Variants in HDDC2 observed in about 807,000 individuals in gnomAD.
The protein encoded by HDDC2 is HD domain containing 2.
HDDC2 carries 25 observed loss-of-function variants against 25.5 expected under a neutral mutation model. That is an observed-to-expected ratio of 0.98 (90% confidence interval 0.72 to 1.37). The LOEUF (loss-of-function observed/expected upper bound fraction) is 1.37, where lower values mean the gene tolerates loss of function less well. Among genes scored for constraint, HDDC2 ranks in the 40% most tolerant of loss-of-function variants. The probability of loss-of-function intolerance (pLI) is 0.00; values close to 1 mark genes in which losing one functional copy is unlikely to be tolerated. For synonymous variants in HDDC2, 106 were observed against 89.7 expected, an observed-to-expected ratio of 1.18 and a Z score of -1.03; for missense variants, 264 against 253.1, an observed-to-expected ratio of 1.04 and a Z score of -0.29.
At chr6:125,277,523 C>A in intron 4 of HDDC2, 1 of 323,260 alleles carries the variant, frequency 3.1e-6, no homozygotes, top group Non-Finnish European at 5.6e-6. Flanking sequence ...TCTTTTCTTC[C>A]TGTTTAATAC....
intron 3 of HDDC2, among the ~76,000 whole-genome samples, chr6:125,293,645 A>G (rs1002569548): frequency 6.6e-6 from 1 of 152,174 alleles, no homozygotes; most frequent in East Asian, 1.9e-4. Flanking sequence ...TTATTTTCTT[A>G]TATCAAGCTG....
intron 4 of HDDC2, among the ~76,000 whole-genome samples, chr6:125,281,393 G>C (rs9482635): frequency 0.2 from 29,987 of 152,052 alleles, 3,345 homozygotes; most frequent in African/African-American, 0.31. Flanking sequence ...CAGAAGGTGG[G>C]TAACAACAAA....
At chr6:125,281,729 G>C (rs139744072) in intron 4 of HDDC2, among the ~76,000 whole-genome samples, 1 of 152,194 alleles carries the variant, frequency 6.6e-6, no homozygotes, top group East Asian at 1.9e-4. Flanking sequence ...TTTGACTGGC[G>C]TACCAAAAAG....
At chr6:125,277,504 C>T (rs1162463963) in intron 4 of HDDC2, 1 of 369,652 alleles carries the variant, frequency 2.7e-6, no homozygotes, top group African/African-American at 2.1e-5. Flanking sequence ...ATCTTAGGTA[C>T]TTTCAAGATC....
intron 4 of HDDC2, among the ~76,000 whole-genome samples, chr6:125,281,729 G>A (rs139744072): frequency 2.3e-3 from 353 of 152,194 alleles, no homozygotes; most frequent in South Asian, 5.4e-3. Context: ...TTTGACTGGC[G>A]TACCAAAAAG....
At chr6:125,276,291 G>T in intron 5 of HDDC2, 48 bp from the exon 6 acceptor site, 1 of 1,379,724 alleles carries the variant, frequency 7.2e-7, no homozygotes, top group Non-Finnish European at 1.0e-6. Context: ...ATTGACAAGA[G>T]AGTATATTCA....
intron 4 of HDDC2, among the ~76,000 whole-genome samples, chr6:125,288,402 A>T (rs954769468): frequency 1.3e-5 from 2 of 152,150 alleles, no homozygotes; most frequent in African/African-American, 4.8e-5. Flanking sequence ...GAGTCTCTGA[A>T]TCAGTGTTTC....
At chr6:125,294,271 T>C (rs779885130) in intron 3 of HDDC2, among the ~76,000 whole-genome samples, 5 of 152,224 alleles carry the variant, frequency 3.3e-5, no homozygotes, top group Non-Finnish European at 7.3e-5. Flanking sequence ...CATTTGTGTG[T>C]ATATTTATTT....
intron 4 of HDDC2, chr6:125,279,182 A>T (rs917557444): frequency 2.0e-5 from 3 of 152,214 alleles, no homozygotes; most frequent in African/African-American, 7.2e-5. Flanking sequence ...CATTTTAAGA[A>T]CAGTAGTTGA....
At chr6:125,296,319 A>G (rs1798705453) in intron 3 of HDDC2, among the ~76,000 whole-genome samples, 1 of 152,106 alleles carries the variant, frequency 6.6e-6, no homozygotes, top group South Asian at 2.1e-4. Context: ...TCCTGGAACC[A>G]ATACCCCATA....
intron 4 of HDDC2, chr6:125,277,951 C>T (rs1798397669): frequency 6.6e-6 from 1 of 152,166 alleles, no homozygotes; most frequent in South Asian, 2.1e-4. Context: ...AGGAGTTCTG[C>T]TTCTTATAGA....
At chr6:125,282,786 A>G (rs1798477981) in intron 4 of HDDC2, among the ~76,000 whole-genome samples, 1 of 152,248 alleles carries the variant, frequency 6.6e-6, no homozygotes, top group Non-Finnish European at 1.5e-5. Flanking sequence ...GTGCGAAGAC[A>G]CACACAGGCT....
chr6:125,291,165 G>A (rs954031518), intron 4 of HDDC2, among the ~76,000 whole-genome samples: 9 of 152,178 alleles, frequency 5.9e-5, no homozygotes, highest in African/African-American at 2.2e-4. Flanking sequence ...CATATAAGGA[G>A]TGTTCTGAAA....
intron 4 of HDDC2, among the ~76,000 whole-genome samples, chr6:125,288,829 C>T: frequency 7.6e-6 from 1 of 131,664 alleles, no homozygotes; most frequent in East Asian, 2.1e-4. Context: ...AGTCAGGAAA[C>T]AACAGGTGCT....
At chr6:125,294,123 A>C (rs932944531) in intron 3 of HDDC2, among the ~76,000 whole-genome samples, 2 of 152,204 alleles carry the variant, frequency 1.3e-5, no homozygotes, top group African/African-American at 4.8e-5. Context: ...CATACCTTTT[A>C]ATCAGCCTCA....
chr6:125,299,329 G>C (rs1410219129), intron 2 of HDDC2, among the ~76,000 whole-genome samples: 2 of 152,148 alleles, frequency 1.3e-5, no homozygotes, highest in Non-Finnish European at 2.9e-5. Flanking sequence ...GTTGTAGTTG[G>C]CTGACACTGC....
chr6:125,299,396 G>C (rs1200000507), intron 2 of HDDC2, among the ~76,000 whole-genome samples: 1 of 152,110 alleles, frequency 6.6e-6, no homozygotes, highest in Non-Finnish European at 1.5e-5. Context: ...AAAAAAACGA[G>C]ATTACATTTG....
At chr6:125,285,376 T>A (rs1218530169) in intron 4 of HDDC2, among the ~76,000 whole-genome samples, 1 of 151,984 alleles carries the variant, frequency 6.6e-6, no homozygotes, top group Non-Finnish European at 1.5e-5. Context: ...AAATGTAAGA[T>A]AAAAGGTTGT....
chr6:125,282,743 A>G (rs1248948234), intron 4 of HDDC2, among the ~76,000 whole-genome samples: 1 of 152,208 alleles, frequency 6.6e-6, no homozygotes, highest in Non-Finnish European at 1.5e-5. Context: ...GTCAAGACCC[A>G]TTAGTGTGCT....
Sources: allele counts gnomAD v4.1 joint callset (sites outside exome capture counted in the v4.1 genomes callset), GRCh38; gene constraint gnomAD v4.1.1; transcripts MANE v1.5; gene names NCBI Gene and HGNC (gene_info 2026-07-23, HGNC 2026-07-21).